The following SYNJ1 variants were observed in gnomAD, a reference collection of about 807,000 sequenced individuals.
SYNJ1 encodes polyphosphatidylinositol phosphatase SYNJ1.
In SYNJ1, 78 loss-of-function variants were observed where a neutral mutation model predicts 168.2. The ratio of observed to expected loss-of-function variants is 0.46; its 90% confidence interval spans 0.39 to 0.56. The LOEUF is 0.56. Among genes scored for constraint, SYNJ1 ranks in the 20% least tolerant of loss-of-function variants. SYNJ1 has a pLI of 0.00. For missense variants in SYNJ1, 1,303 were observed against 1,597.6 expected (o/e 0.82, Z 3.14); for synonymous variants, 539 against 548.6 (o/e 0.98, Z 0.24).
chr21:32,703,159 A>G (rs1911614917), intron 2 of SYNJ1, among the ~76,000 whole-genome samples: 1 of 152,198 alleles, frequency 6.6e-6, no homozygotes, highest in Non-Finnish European at 1.5e-5. Context: ...TTGCTCTGCT[A>G]GTTGCAGCAC....
chr21:32,664,041 T>C (rs1399484589), intron 18 of SYNJ1, among the ~76,000 whole-genome samples: 3 of 152,324 alleles, frequency 2.0e-5, no homozygotes, highest in African/African-American at 7.2e-5. Flanking sequence ...GGGGCCATGT[T>C]TGAAAAATGG....
chr21:32,703,377 A>G (rs1207300110), intron 2 of SYNJ1, among the ~76,000 whole-genome samples: 1 of 152,216 alleles, frequency 6.6e-6, no homozygotes, highest in Admixed American at 6.5e-5. Flanking sequence ...TTTATCCAAC[A>G]GTTGATCCTA....
chr21:32,660,394 C>T (rs957857746), intron 18 of SYNJ1, among the ~76,000 whole-genome samples: 5 of 152,230 alleles, frequency 3.3e-5, no homozygotes, highest in African/African-American at 7.2e-5. Context: ...TGAAAATCCC[C>T]GCATAATCAC....
intron 13 of SYNJ1, among the ~76,000 whole-genome samples, chr21:32,673,971 A>G (rs1243803061): frequency 6.6e-6 from 1 of 152,242 alleles, no homozygotes; most frequent in Non-Finnish European, 1.5e-5. Context: ...AAAACATTTA[A>G]GAACATTTAC....
chr21:32,632,713 T>C (rs2039391943), intron 32 of SYNJ1, among the ~76,000 whole-genome samples: 2 of 152,138 alleles, frequency 1.3e-5, no homozygotes, highest in Non-Finnish European at 2.9e-5. Flanking sequence ...AAGCTCTCCT[T>C]TGTTGAATAA....
intron 28 of SYNJ1, 55 bp from the exon 29 acceptor site, chr21:32,642,021 C>T: frequency 6.2e-7 from 1 of 1,612,886 alleles, no homozygotes; most frequent in Non-Finnish European, 8.5e-7. Flanking sequence ...AACAAGAAAC[C>T]ATGTACTTAT....
intron 2 of SYNJ1, among the ~76,000 whole-genome samples, chr21:32,705,659 G>A (rs540443156): frequency 2.0e-5 from 3 of 152,244 alleles, no homozygotes; most frequent in African/African-American, 7.2e-5. Context: ...GACATGCCTA[G>A]CAAACCATCA....
chr21:32,703,633 T>C (rs1330082661), intron 2 of SYNJ1, among the ~76,000 whole-genome samples: 6 of 152,202 alleles, frequency 3.9e-5, no homozygotes, highest in African/African-American at 1.4e-4. Context: ...TATAGTAATA[T>C]AGAAAGTACT....
At chr21:32,656,612 C>A in intron 21 of SYNJ1, 75 bp downstream of exon 21, 1 of 1,302,558 alleles carries the variant, frequency 7.7e-7, no homozygotes, top group Non-Finnish European at 1.0e-6. Context: ...TCTCTCCTTC[C>A]CCAAATAAGG....
chr21:32,661,079 G>A (rs2040681169), intron 18 of SYNJ1, among the ~76,000 whole-genome samples: 1 of 152,182 alleles, frequency 6.6e-6, no homozygotes, highest in South Asian at 2.1e-4. Context: ...ACAGAAGTGG[G>A]GCAAGTAATA....
intron 12 of SYNJ1, among the ~76,000 whole-genome samples, chr21:32,677,891 T>C (rs1175044268): frequency 6.6e-6 from 1 of 152,132 alleles, no homozygotes; most frequent in Non-Finnish European, 1.5e-5. Flanking sequence ...AGAAAAAAAA[T>C]TTCTTTTTCA....
chr21:32,676,577 A>G (rs913342327), intron 12 of SYNJ1, among the ~76,000 whole-genome samples: 2 of 152,350 alleles, frequency 1.3e-5, no homozygotes, highest in Non-Finnish European at 2.9e-5. Context: ...ACTCAGTGAT[A>G]TCCACCGTTT....
chr21:32,648,277 T>C (rs1201643440), intron 23 of SYNJ1, among the ~76,000 whole-genome samples: 1 of 152,144 alleles, frequency 6.6e-6, no homozygotes, highest in Non-Finnish European at 1.5e-5. Flanking sequence ...CCCTCTTCTC[T>C]TTCCCCCCAA....
chr21:32,695,728 T>A (rs929888720), intron 4 of SYNJ1, among the ~76,000 whole-genome samples: 31 of 151,750 alleles, frequency 2.0e-4, no homozygotes, highest in African/African-American at 7.2e-4. Flanking sequence ...AGTGGCATTA[T>A]CTCGTCTCAC....
intron 18 of SYNJ1, among the ~76,000 whole-genome samples, chr21:32,660,813 G>A (rs2040668595): frequency 6.6e-6 from 1 of 152,166 alleles, no homozygotes; most frequent in Non-Finnish European, 1.5e-5. Context: ...TAAACTCTAG[G>A]GGAAAGGACA....
At chr21:32,720,997 G>A (rs2043199622) in intron 2 of SYNJ1, among the ~76,000 whole-genome samples, 2 of 152,322 alleles carry the variant, frequency 1.3e-5, no homozygotes, top group African/African-American at 4.8e-5. Context: ...TTGTGTATGT[G>A]TGTGTAAACT....
chr21:32,703,397 G>C (rs1439393762), intron 2 of SYNJ1, among the ~76,000 whole-genome samples: 1 of 152,108 alleles, frequency 6.6e-6, no homozygotes, highest in Non-Finnish European at 1.5e-5. Flanking sequence ...AACATTCCAT[G>C]ACAAGCAACC....
At chr21:32,651,038 G>A (rs1161405790) in intron 22 of SYNJ1, among the ~76,000 whole-genome samples, 1 of 152,178 alleles carries the variant, frequency 6.6e-6, no homozygotes, top group Non-Finnish European at 1.5e-5. Flanking sequence ...TCAAATTATA[G>A]CAGATCGTGT....
chr21:32,663,886 G>T (rs906862532), intron 18 of SYNJ1, among the ~76,000 whole-genome samples: 2 of 152,230 alleles, frequency 1.3e-5, no homozygotes, highest in African/African-American at 2.4e-5. Flanking sequence ...CTTGCTAGCA[G>T]CTGAAGGTGG....
Sources: gnomAD v4.1 joint callset for allele counts (sites outside exome capture counted in the v4.1 genomes callset) on GRCh38, gnomAD v4.1.1 for gene constraint, MANE v1.5 for transcripts, NCBI Gene and HGNC (gene_info 2026-07-23, HGNC 2026-07-21) for gene names.